The following LRRC52 variants were observed in gnomAD, a reference collection of about 807,000 sequenced individuals.
The protein encoded by LRRC52 is leucine rich repeat containing 52, also known as leucine-rich repeat-containing protein 52.
A neutral mutation model predicts 14.7 loss-of-function variants in LRRC52; 15 were observed. That is an observed-to-expected ratio of 1.02 (90% confidence interval 0.68 to 1.58). The LOEUF is 1.58. LRRC52 is among the 40% of genes most tolerant of loss of function. The pLI, the probability that LRRC52 is intolerant of heterozygous loss-of-function variation, is 0.00. For synonymous variants in LRRC52, 180 were observed against 163.9 expected (o/e 1.10, Z -0.75); for missense variants, 400 against 387.7 (o/e 1.03, Z -0.27).
intron 1 of LRRC52, among the ~76,000 whole-genome samples, chr1:165,557,940 T>C (rs990800524): frequency 8.5e-5 from 13 of 152,326 alleles, no homozygotes; most frequent in Admixed American, 3.9e-4. Context: ...GCCCATGGCC[T>C]GGCTCCTTTG....
chr1:165,551,310 T>C (rs1303068638), intron 1 of LRRC52, among the ~76,000 whole-genome samples: 2 of 152,230 alleles, frequency 1.3e-5, no homozygotes, highest in African/African-American at 2.4e-5. Context: ...CCTGAGGTTC[T>C]GATTCAGTCA....
At chr1:165,563,253 G>C (rs1661385902) in intron 1 of LRRC52, among the ~76,000 whole-genome samples, 1 of 152,218 alleles carries the variant, frequency 6.6e-6, no homozygotes, top group Non-Finnish European at 1.5e-5. Context: ...TCCAGGCCCA[G>C]TACTTCTCAA....
intron 1 of LRRC52, among the ~76,000 whole-genome samples, chr1:165,554,420 A>G (rs1278747536): frequency 1.0e-5 from 1 of 97,052 alleles, no homozygotes; most frequent in South Asian, 3.6e-4. Flanking sequence ...ATATGCAATG[A>G]TAGGTGGTTG....
At position 165,544,942 on chromosome 1, in the gene LRRC52, G is replaced by A. The variant is rs770208901; in HGVS notation, c.622+24G>A. On this transcript the variant is annotated intron_variant, in intron 1 of 1. Coordinates refer to ENST00000294818, the MANE Select transcript of LRRC52 (RefSeq NM_001005214.4). ...AGGTGAGGGCTTGATTGGGTGTGGG[G>A]AAGAGGATGTGATTGAAGTGGCTCC... 8 of 1,606,538 alleles carry A rather than the reference G, an allele frequency of 5.0e-6. No individual in the cohort carries two copies. The South Asian group carries it at 6.6e-5, about 13-fold the overall frequency.
chr1:165,561,730 T>A (rs1661348670), intron 1 of LRRC52, among the ~76,000 whole-genome samples: 1 of 152,244 alleles, frequency 6.6e-6, no homozygotes, highest in Non-Finnish European at 1.5e-5. Context: ...CTTCCCCTCT[T>A]GTGTCTAAAA....
chr1:165,544,787 C>G lies in LRRC52; in HGVS notation c.491C>G (p.Thr164Ser), dbSNP rs1299714833. The stretch of plus-strand genomic sequence containing the variant: ...GACCTCAGAAATACCGGCTTGCAGA[C>G]CCTGGACAGTGCTGCCTTATACCAC... ...YLDLRNTGLQ[T>S]LDSAALYHLT... The change falls in exon 1 of 2, where the codon ACC becomes AGC. Residue 164 changes from threonine to serine, a missense_variant. Thr to Ser is a moderately conservative substitution (Grantham distance 58). Coordinates refer to ENST00000294818, the MANE Select transcript of LRRC52 (RefSeq NM_001005214.4). The G allele has an allele frequency of 1.9e-6, 3 of 1,613,948 alleles. No individual in the cohort carries two copies. Among genetic ancestry groups the G allele is most frequent in the Admixed American group, 1.7e-5 (1 of 59,994 alleles).
chr1:165,563,240 C>G (rs1661385730), intron 1 of LRRC52, among the ~76,000 whole-genome samples: 1 of 152,216 alleles, frequency 6.6e-6, no homozygotes, highest in Non-Finnish European at 1.5e-5. Context: ...GGACAAGGAA[C>G]AGTCCAGGCC....
chr1:165,548,384 C>T (rs1259382876), intron 1 of LRRC52, among the ~76,000 whole-genome samples: 1 of 152,144 alleles, frequency 6.6e-6, no homozygotes, highest in East Asian at 1.9e-4. Context: ...GGTAACTAAC[C>T]AAGAAACCTG....
rs1332316291 is a variant in LRRC52 at position 165,553,461 on chromosome 1, A to T, written c.622+8543A>T. 2.0e-5 allele frequency among the ~76,000 whole-genome samples: 3 copies of T among 152,326 alleles called. No homozygotes were observed. In the East Asian group the frequency reaches 5.8e-4, roughly 29 times the overall value. ...AAGGTGTGAAGGAGTAAACCATGTA[A>T]ACTACTCTTCTAGAAAGCATGGCTG... On this transcript the variant is annotated intron_variant, in intron 1 of 1. Coordinates refer to ENST00000294818, the MANE Select transcript of LRRC52 (RefSeq NM_001005214.4).
intron 1 of LRRC52, among the ~76,000 whole-genome samples, chr1:165,554,558 T>C (rs1367593079): frequency 4.6e-5 from 7 of 152,114 alleles, no homozygotes; most frequent in Non-Finnish European, 8.8e-5. Context: ...ATCCTCAGCA[T>C]CCCCAGGAGC....
At position 165,555,800 on chromosome 1, in the gene LRRC52, T is replaced by G. The variant is rs1210883377; in HGVS notation, c.623-7705T>G. Among the ~76,000 whole-genome samples, 3 of 152,256 alleles carry G rather than the reference T, an allele frequency of 2.0e-5. 1 individual carries two copies. In the East Asian group the frequency reaches 5.8e-4, roughly 29 times the overall value. On this transcript the variant is annotated intron_variant, in intron 1 of 1. Coordinates refer to ENST00000294818, the MANE Select transcript of LRRC52 (RefSeq NM_001005214.4). ...TGCCTGATGTTTCTGCCTGGTGAAC[T>G]GGTGAATGATGGTGCCCTTCGGCTC...
At chr1:165,561,424 C>T (rs368992351) in intron 1 of LRRC52, among the ~76,000 whole-genome samples, 8 of 152,296 alleles carry the variant, frequency 5.3e-5, no homozygotes, top group Middle Eastern at 3.4e-3. Flanking sequence ...AGCTCTCTCT[C>T]GATAGAATTC....
chr1:165,555,232 G>A (rs771313146), intron 1 of LRRC52, among the ~76,000 whole-genome samples: 5 of 152,154 alleles, frequency 3.3e-5, no homozygotes, highest in Admixed American at 2.6e-4. Context: ...AGATACTTCA[G>A]GCTCAGTGGG....
chr1:165,553,218 A>G (rs1341242355), intron 1 of LRRC52, among the ~76,000 whole-genome samples: 1 of 152,258 alleles, frequency 6.6e-6, no homozygotes, highest in Non-Finnish European at 1.5e-5. Flanking sequence ...CAAGTAAGAA[A>G]GAGCAACTCA....
chr1:165,544,229 CGG>C lies in LRRC52; in HGVS notation c.-67_-66del. On this transcript the variant is annotated 5_prime_UTR_variant, in exon 1 of 2. Transcript: ENST00000294818. ...CCCCTCCCCCGCCCCACCCCCCCACCGGCAGCCTTCGGATCAGAGGACAGAGC... is the reference window on the plus strand; with the variant it reads ...CCCCTCCCCCGCCCCACCCCCCCACCCAGCCTTCGGATCAGAGGACAGAGC... The C allele has an allele frequency of 2.0e-6, 3 of 1,476,558 alleles. No homozygotes were observed. The highest frequency in any genetic ancestry group is 1.4e-5 in the African/African-American group (1 of 70,228). The allele number at this position is 1,476,558 out of a possible 1,614,324, so 91.5% of individuals were successfully genotyped here. A position where few individuals can be genotyped will look rare whatever the true frequency, so the allele number is the denominator to read the frequency against.
In LRRC52 at chr1:165,550,364, A is replaced by C. The variant is rs561021614; in HGVS notation, c.622+5446A>C. Among the ~76,000 whole-genome samples the C allele has an allele frequency of 2.5e-4, 38 of 152,340 alleles. No individual in the cohort carries two copies. In the South Asian group the frequency reaches 6.6e-3, roughly 27 times the overall value. On this transcript the variant is annotated intron_variant, in intron 1 of 1. Coordinates refer to ENST00000294818, the MANE Select transcript of LRRC52 (RefSeq NM_001005214.4). Reference sequence around the variant, plus strand: ...TTCTGCAACAGGGTAAATAGTCTATATATATGGTGTCGGATACAGTAGTCA... The same window carrying C: ...TTCTGCAACAGGGTAAATAGTCTATCTATATGGTGTCGGATACAGTAGTCA...
chr1:165,559,172 T>G (rs1387399381), intron 1 of LRRC52, among the ~76,000 whole-genome samples: 1 of 152,226 alleles, frequency 6.6e-6, no homozygotes, highest in Non-Finnish European at 1.5e-5. Flanking sequence ...GAGGATCACC[T>G]GAGGTCAGGA....
rs987854263 is a variant in LRRC52, at chr1:165,563,601, T to C, written c.719T>C (p.Leu240Pro). Residue 240 changes from leucine (L) to proline (P), a missense_variant, in exon 2 of 2, where the codon CTG becomes CCG. Physicochemically the swap from Leu to Pro is moderately conservative, Grantham distance 98 (BLOSUM62 -3). Coordinates refer to ENST00000294818, the MANE Select transcript of LRRC52 (RefSeq NM_001005214.4). ...NPLRYMCITHLDHKDYIFLLL... is the reference protein window; with the variant it reads ...NPLRYMCITHPDHKDYIFLLL... ...CTCCGATACATGTGCATCACGCACCTGGACCACAAAGACTACATCTTCCTG... is the reference window on the plus strand; with the variant it reads ...CTCCGATACATGTGCATCACGCACCCGGACCACAAAGACTACATCTTCCTG... 9 of 1,614,150 alleles carry C rather than the reference T, an allele frequency of 5.6e-6. No homozygotes were observed. Among genetic ancestry groups the C allele is most frequent in the Non-Finnish European group, 6.8e-6 (8 of 1,180,056 alleles).
At chr1:165,551,782 G>A (rs531438887) in intron 1 of LRRC52, among the ~76,000 whole-genome samples, 35 of 152,142 alleles carry the variant, frequency 2.3e-4, no homozygotes, top group African/African-American at 5.5e-4. Context: ...GTTTCATTAC[G>A]AGGTTATATC....
Sources: allele counts gnomAD v4.1 joint callset (sites outside exome capture counted in the v4.1 genomes callset), GRCh38; gene constraint gnomAD v4.1.1; transcripts MANE v1.5; gene names NCBI Gene and HGNC (gene_info 2026-07-23, HGNC 2026-07-21).